EPHA7: variants seen among roughly 807,000 people sequenced by gnomAD.
EPHA7 encodes ephrin type-A receptor 7.
In EPHA7, 25 loss-of-function variants were observed where a neutral mutation model predicts 112.6. The ratio of observed to expected loss-of-function variants is 0.22; its 90% CI spans 0.16 to 0.31. EPHA7 has a LOEUF of 0.31. Ranked by LOEUF, EPHA7 falls within the 10% of genes least tolerant of loss-of-function variation. The probability of loss-of-function intolerance (pLI) is 1.00; values close to 1 mark genes in which losing one functional copy is unlikely to be tolerated. For synonymous variants in EPHA7, 437 were observed against 406.5 expected, an observed-to-expected ratio of 1.07 and a Z score of -0.90; for missense variants, 962 against 1,212.6, an observed-to-expected ratio of 0.79 and a Z score of 3.07.
intron 3 of EPHA7, among the ~76,000 whole-genome samples, chr6:93,363,301 A>G (rs1562126375): frequency 6.6e-6 from 1 of 152,190 alleles, no homozygotes; most frequent in Non-Finnish European, 1.5e-5. Flanking sequence ...CTCCCCTATA[A>G]CACTGAGGAG....
intron 5 of EPHA7, among the ~76,000 whole-genome samples, chr6:93,273,829 C>G (rs1771345384): frequency 6.6e-6 from 1 of 151,838 alleles, no homozygotes; most frequent in Admixed American, 6.6e-5. Context: ...ATCTCTGTAC[C>G]CAGAACCTGC....
rs12213926 is a variant in EPHA7 at position 93,244,866 on chromosome 6, G to T, written c.2882+432C>A. ...TAAGTTCAACACAAACATGGTGAAA[G>T]AAATCCTCCTTTGCAATGGAGAAAG... On this transcript the variant is annotated intron_variant, in intron 16 of 16. Transcript: ENST00000369303. Among the ~76,000 whole-genome samples the T allele has an allele frequency of 5.6e-3, 852 of 152,284 alleles. 3 individuals carry two copies. Among genetic ancestry groups the T allele is most frequent in the Middle Eastern group, 0.037 (11 of 294 alleles).
chr6:93,284,691 T>C (rs1240485481), intron 5 of EPHA7, among the ~76,000 whole-genome samples: 1 of 152,124 alleles, frequency 6.6e-6, no homozygotes, highest in Non-Finnish European at 1.5e-5. Flanking sequence ...TTCATGTCCT[T>C]TGCAGGGACA....
chr6:93,245,456 A>G lies in EPHA7; in HGVS notation c.2727-3T>C. 6.2e-7 allele frequency: 1 copy of G among 1,604,430 alleles called. No homozygotes were observed. The highest frequency in any genetic ancestry group is 8.5e-7 in the Non-Finnish European group (1 of 1,177,568). ...GATCCAGAAGAGGGCTTATTGGCCTAGATAAAAATGAAACAGAAAAGCGAA... is the reference window on the plus strand; with the variant it reads ...GATCCAGAAGAGGGCTTATTGGCCTGGATAAAAATGAAACAGAAAAGCGAA... On this transcript the variant is annotated splice_region_variant and splice_polypyrimidine_tract_variant and intron_variant, in intron 15 of 16. Coordinates refer to ENST00000369303, the MANE Select transcript of EPHA7 (RefSeq NM_004440.4).
Position 93,311,114 on chromosome 6 carries a change from A to ATTTTTT in EPHA7, c.1325-38698_1325-38693dup, listed in dbSNP as rs71542009. ...ACAGGCATGTGCATCATGCCCAGCTATTTTTTTTTTTTTTTTTTTTTTTTT... is the reference window on the plus strand; with the variant it reads ...ACAGGCATGTGCATCATGCCCAGCTATTTTTTTTTTTTTTTTTTTTTTTTTTTTTTT... On this transcript the variant is annotated intron_variant, in intron 5 of 16. Coordinates refer to ENST00000369303, the MANE Select transcript of EPHA7 (RefSeq NM_004440.4). 8.5e-3 allele frequency among the ~76,000 whole-genome samples: 667 copies of ATTTTTT among 78,470 alleles called. 106 individuals are homozygous for ATTTTTT. The highest frequency in any genetic ancestry group is 0.037 in the African/African-American group (623 of 16,984). The allele number at this position is 78,470 out of a possible 152,430, so 51.5% of individuals were successfully genotyped here. A position where few individuals can be genotyped will look rare whatever the true frequency, so the allele number is the denominator to read the frequency against.
intron 5 of EPHA7, among the ~76,000 whole-genome samples, chr6:93,307,262 G>A (rs769369721): frequency 6.6e-6 from 1 of 151,766 alleles, no homozygotes; most frequent in Non-Finnish European, 1.5e-5. Context: ...CACCATGATA[G>A]CAAACATAAA....
At chr6:93,413,507 A>AT (rs1210838615) in intron 2 of EPHA7, among the ~76,000 whole-genome samples, 1 of 151,836 alleles carries the variant, frequency 6.6e-6, no homozygotes, top group Non-Finnish European at 1.5e-5. Context: ...AAGGTGTTTC[A>AT]TTTTTTATCA....
chr6:93,414,863 T>G (rs1055959648), intron 1 of EPHA7, 96 bp from the exon 2 acceptor site: 1 of 936,664 alleles, frequency 1.1e-6, no homozygotes, highest in Non-Finnish European at 1.7e-6. Flanking sequence ...ACTATCACTA[T>G]ATGACTTAAG....
intron 5 of EPHA7, among the ~76,000 whole-genome samples, chr6:93,286,544 G>C (rs1281617582): frequency 2.6e-5 from 4 of 152,054 alleles, no homozygotes; most frequent in Non-Finnish European, 5.9e-5. Flanking sequence ...GCAGAGGAGA[G>C]GGAGATCACA....
intron 3 of EPHA7, among the ~76,000 whole-genome samples, chr6:93,387,958 G>GAT (rs1777706292): frequency 1.3e-5 from 2 of 151,822 alleles, no homozygotes; most frequent in African/African-American, 4.8e-5. Flanking sequence ...TAGATAGATA[G>GAT]ATAGATAGAT....
chr6:93,272,236 A>G (rs1210535367), intron 6 of EPHA7, 62 bp downstream of exon 6: 1 of 1,596,190 alleles, frequency 6.3e-7, no homozygotes, highest in Non-Finnish European at 8.6e-7. Context: ...TTAGTCTACA[A>G]TACAGTAGGA....
chr6:93,386,534 G>A (rs186457688), intron 3 of EPHA7, among the ~76,000 whole-genome samples: 1 of 152,310 alleles, frequency 6.6e-6, no homozygotes, highest in East Asian at 1.9e-4. Context: ...AGGTGCACGT[G>A]TAAGCTGTTC....
intron 3 of EPHA7, among the ~76,000 whole-genome samples, chr6:93,376,378 C>T (rs1295813510): frequency 2.0e-5 from 3 of 152,070 alleles, no homozygotes; most frequent in Non-Finnish European, 4.4e-5. Context: ...TGGTGCCAGG[C>T]GACCCACCTG....
intron 14 of EPHA7, among the ~76,000 whole-genome samples, chr6:93,252,822 G>A (rs1770274105): frequency 6.6e-6 from 1 of 151,804 alleles, no homozygotes; most frequent in African/African-American, 2.4e-5. Context: ...ATTAAAGAAT[G>A]TGCCAAATAT....
chr6:93,339,105 CAT>C (rs1775017886), intron 5 of EPHA7, among the ~76,000 whole-genome samples: 1 of 151,258 alleles, frequency 6.6e-6, no homozygotes, highest in African/African-American at 2.4e-5. Flanking sequence ...TTTTTAAAAA[CAT>C]ATAATACAAA....
At chr6:93,394,919 C>T (rs1778092395) in intron 3 of EPHA7, among the ~76,000 whole-genome samples, 1 of 151,694 alleles carries the variant, frequency 6.6e-6, no homozygotes, top group African/African-American at 2.4e-5. Context: ...CACTATTTTT[C>T]ATTTCTGCTA....
chr6:93,362,990 T>C (rs1472407362), intron 3 of EPHA7, among the ~76,000 whole-genome samples: 4 of 152,116 alleles, frequency 2.6e-5, no homozygotes, highest in Non-Finnish European at 5.9e-5. Context: ...TGATCCTTAA[T>C]GGACTGATTT....
intron 3 of EPHA7, among the ~76,000 whole-genome samples, chr6:93,389,221 GTT>G (rs952843515): frequency 1.3e-5 from 2 of 152,034 alleles, no homozygotes; most frequent in African/African-American, 4.8e-5. Flanking sequence ...TAGACAGTGT[GTT>G]AAATGCTTTA....
intron 3 of EPHA7, among the ~76,000 whole-genome samples, chr6:93,404,241 A>G (rs1053426894): frequency 6.6e-6 from 1 of 152,136 alleles, no homozygotes; most frequent in Non-Finnish European, 1.5e-5. Context: ...AATCAAAAAG[A>G]GAATGACAAA....
Sources: allele counts gnomAD v4.1 joint callset (sites outside exome capture counted in the v4.1 genomes callset), GRCh38; gene constraint gnomAD v4.1.1; transcripts MANE v1.5; gene names NCBI Gene and HGNC (gene_info 2026-07-23, HGNC 2026-07-21).